RBFOX1: variants seen among roughly 807,000 people sequenced by gnomAD.
RBFOX1 encodes the protein RNA binding fox-1 homolog 1, also known as RNA binding protein fox-1 homolog 1.
Under a neutral mutation model 57.7 loss-of-function variants are expected in RBFOX1, and 8 were observed. That is an observed-to-expected ratio of 0.14 (90% CI 0.08 to 0.25). The LOEUF (loss-of-function observed/expected upper bound fraction) is 0.25. Ranked by LOEUF, RBFOX1 falls within the 10% of genes least tolerant of loss-of-function variation. RBFOX1 has a pLI of 1.00. For missense variants in RBFOX1, 611 were observed against 548.5 expected (o/e 1.11, Z -1.14); for synonymous variants, 326 against 222.4 (o/e 1.47, Z -4.15).
chr16:5,668,552 G>T (rs901369119), intron 3 of RBFOX1, among the ~76,000 whole-genome samples: 1 of 152,196 alleles, frequency 6.6e-6, no homozygotes, highest in Non-Finnish European at 1.5e-5. Flanking sequence ...GTGGACTGAG[G>T]CTGGACTGTT....
intron 1 of RBFOX1, among the ~76,000 whole-genome samples, chr16:5,404,707 G>A (rs1596887107): frequency 6.6e-6 from 1 of 152,164 alleles, no homozygotes; most frequent in African/African-American, 2.4e-5. Context: ...CCCATGCATG[G>A]CAGTTTTGTG....
intron 3 of RBFOX1, among the ~76,000 whole-genome samples, chr16:5,778,555 G>A (rs928517914): frequency 6.6e-6 from 1 of 152,162 alleles, no homozygotes; most frequent in Non-Finnish European, 1.5e-5. Flanking sequence ...GGTTCAACCT[G>A]CTCTGAGAGC....
intron 3 of RBFOX1, among the ~76,000 whole-genome samples, chr16:6,987,141 G>A (rs1371823799): frequency 6.6e-6 from 1 of 152,024 alleles, no homozygotes; most frequent in African/African-American, 2.4e-5. Context: ...CTAATAATGG[G>A]AGCTCAGTCA....
chr16:7,539,566 C>G (rs1010779698), intron 5 of RBFOX1, among the ~76,000 whole-genome samples: 5 of 152,154 alleles, frequency 3.3e-5, no homozygotes, highest in Non-Finnish European at 5.9e-5. Flanking sequence ...TGGGATCACC[C>G]AAAGTAACAT....
At chr16:6,089,369 G>C (rs1014603669) in intron 1 of RBFOX1, among the ~76,000 whole-genome samples, 8 of 152,116 alleles carry the variant, frequency 5.3e-5, no homozygotes, top group African/African-American at 1.9e-4. Context: ...AAATGCAAAG[G>C]CCCAGAGCCA....
chr16:5,764,472 T>A (rs181366052), intron 3 of RBFOX1, among the ~76,000 whole-genome samples: 1 of 152,230 alleles, frequency 6.6e-6, no homozygotes, highest in East Asian at 1.9e-4. Flanking sequence ...TTTACCCCTT[T>A]TCTTTATAAA....
At chr16:5,572,104 T>A (rs2046303614) in intron 2 of RBFOX1, among the ~76,000 whole-genome samples, 1 of 152,140 alleles carries the variant, frequency 6.6e-6, no homozygotes, top group South Asian at 2.1e-4. Context: ...TCCCTTGTGG[T>A]CCCTTAAATA....
chr16:5,892,405 C>T (rs778074780), intron 4 of RBFOX1, among the ~76,000 whole-genome samples: 1 of 152,160 alleles, frequency 6.6e-6, no homozygotes, highest in Admixed American at 6.5e-5. Flanking sequence ...GACTGTATCT[C>T]TTTATATGCC....
intron 4 of RBFOX1, among the ~76,000 whole-genome samples, chr16:7,343,763 T>C (rs1277962203): frequency 6.6e-6 from 1 of 152,014 alleles, no homozygotes; most frequent in Non-Finnish European, 1.5e-5. Context: ...GCTGCAACCA[T>C]TGAGGCCTCC....
At chr16:7,505,239 G>T (rs2072868389) in intron 4 of RBFOX1, among the ~76,000 whole-genome samples, 1 of 132,610 alleles carries the variant, frequency 7.5e-6, no homozygotes, top group Non-Finnish European at 1.5e-5. Flanking sequence ...AACAGTGATG[G>T]ACCAAAAAAA....
Position 5,553,507 on chromosome 16 carries a change from G to A in RBFOX1, c.259-45395G>A, listed in dbSNP as rs563344255. Among the ~76,000 whole-genome samples the A allele has an allele frequency of 1.1e-4, 16 of 152,128 alleles. No homozygotes were observed. The East Asian group carries it at 2.3e-3, about 22-fold the overall frequency. On this transcript the variant is annotated intron_variant, in intron 2 of 2. Transcript: ENST00000585867. ...ATTTTTTGTATTTTTAGTAGAGACA[G>A]GGTTTCACTGTGTTAGCCAGGATGG... is the stretch of plus-strand genomic sequence containing the variant.
intron 4 of RBFOX1, among the ~76,000 whole-genome samples, chr16:7,090,658 G>C (rs1448429693): frequency 6.6e-6 from 1 of 151,718 alleles, no homozygotes; most frequent in African/African-American, 2.4e-5. Context: ...TTTTCCCTGA[G>C]TGAGTACAGG....
chr16:6,404,000 A>G, intron 2 of RBFOX1, among the ~76,000 whole-genome samples: 1 of 152,126 alleles, frequency 6.6e-6, no homozygotes, highest in South Asian at 2.1e-4. Context: ...GCACTCCAAT[A>G]TCAAACTTCC....
intron 3 of RBFOX1, among the ~76,000 whole-genome samples, chr16:5,776,887 C>A (rs191041416): frequency 3.3e-5 from 5 of 152,286 alleles, no homozygotes; most frequent in Admixed American, 3.3e-4. Flanking sequence ...GGCCATTTGC[C>A]ATGGATGTAT....
At chr16:6,830,703 C>T (rs1016509021) in intron 3 of RBFOX1, among the ~76,000 whole-genome samples, 6 of 152,124 alleles carry the variant, frequency 3.9e-5, no homozygotes, top group African/African-American at 4.8e-5. Context: ...GGTTAAGAAA[C>T]GTTGCTCTAT....
chr16:6,483,230 C>G, intron 2 of RBFOX1: 1 of 1,231,082 alleles, frequency 8.1e-7, no homozygotes, highest in Non-Finnish European at 1.0e-6. Context: ...GACCCGGGCC[C>G]TGGCGCCGCC....
At chr16:6,835,222 A>T (rs908989341) in intron 3 of RBFOX1, among the ~76,000 whole-genome samples, 1 of 152,014 alleles carries the variant, frequency 6.6e-6, no homozygotes, top group Non-Finnish European at 1.5e-5. Context: ...TCTTGTGAAG[A>T]TGGCTCCGTT....
intron 1 of RBFOX1, among the ~76,000 whole-genome samples, chr16:6,306,285 G>A (rs1484352271): frequency 6.6e-6 from 1 of 152,170 alleles, no homozygotes; most frequent in Admixed American, 6.5e-5. Flanking sequence ...CAGTATTTGA[G>A]CTGAGAGTTG....
At chr16:6,771,273 G>A (rs1008336111) in intron 3 of RBFOX1, among the ~76,000 whole-genome samples, 3 of 152,154 alleles carry the variant, frequency 2.0e-5, no homozygotes, top group African/African-American at 7.2e-5. Flanking sequence ...TGTTGTTTAA[G>A]CCACACAGTC....
Sources: allele counts gnomAD v4.1 joint callset (sites outside exome capture counted in the v4.1 genomes callset), GRCh38; gene constraint gnomAD v4.1.1; transcripts MANE v1.5; gene names NCBI Gene and HGNC (gene_info 2026-07-23, HGNC 2026-07-21).